The following SAMHD1 variants were observed in gnomAD, a reference collection of about 807,000 sequenced individuals.
SAMHD1 encodes the protein deoxynucleoside triphosphate triphosphohydrolase SAMHD1.
A neutral mutation model predicts 79.6 loss-of-function variants in SAMHD1; 54 were observed. The ratio of observed to expected loss-of-function variants is 0.68; its 90% CI spans 0.55 to 0.85. The LOEUF (loss-of-function observed/expected upper bound fraction) is 0.85, where lower values mean the gene tolerates loss of function less well. Among genes scored for constraint, SAMHD1 ranks in the 40% least tolerant of loss-of-function variants. The pLI, the probability that SAMHD1 is intolerant of heterozygous loss-of-function variation, is 0.00. For synonymous variants in SAMHD1, 260 were observed against 264.1 expected (o/e 0.98, Z 0.15); for missense variants, 663 against 782.7 (o/e 0.85, Z 1.82).
At chr20:36,902,172 T>A (rs1374519896) in intron 13 of SAMHD1, among the ~76,000 whole-genome samples, 2 of 152,022 alleles carry the variant, frequency 1.3e-5, no homozygotes, top group African/African-American at 4.8e-5. Flanking sequence ...GAAATGATGA[T>A]GATGATTATT....
chr20:36,951,258 C>A (rs555976046), intron 1 of SAMHD1, among the ~76,000 whole-genome samples, 178 bp downstream of exon 1: 1 of 152,222 alleles, frequency 6.6e-6, no homozygotes, highest in Non-Finnish European at 1.5e-5. Context: ...GGGCTCCCTC[C>A]CCCGCCTCGG....
intron 5 of SAMHD1, among the ~76,000 whole-genome samples, chr20:36,928,260 G>T (rs1221866866): frequency 1.3e-5 from 2 of 152,020 alleles, no homozygotes; most frequent in Non-Finnish European, 1.5e-5. Context: ...TTGGTGGCGG[G>T]CACCTGTAGT....
chr20:36,917,707 C>T lies in SAMHD1; in HGVS notation c.853-658G>A, dbSNP rs552802830. 4.6e-5 allele frequency among the ~76,000 whole-genome samples: 7 copies of T among 152,200 alleles called. No individual in the cohort carries two copies. In the East Asian group the frequency reaches 1.4e-3, roughly 29 times the overall value. ...ATAATAAACTAACAATGCTTGAATT[C>T]ATGCATTAAAACAGTACTATCTTTC... On this transcript the variant is annotated intron_variant, in intron 7 of 15. Transcript: ENST00000646673.
intron 6 of SAMHD1, among the ~76,000 whole-genome samples, 165 bp from the exon 7 acceptor site, chr20:36,919,684 A>T (rs1043913939): frequency 1.3e-5 from 2 of 152,212 alleles, no homozygotes; most frequent in Non-Finnish European, 2.9e-5. Flanking sequence ...AAAACCTGTC[A>T]GATTTTTCAT....
intron 11 of SAMHD1, among the ~76,000 whole-genome samples, chr20:36,906,346 G>A (rs2063405202): frequency 6.6e-6 from 1 of 152,260 alleles, no homozygotes; most frequent in African/African-American, 2.4e-5. Context: ...GTTGAGGCAG[G>A]AGAATCGCTT....
chr20:36,947,310 G>GGGGTGTGTGTGT (rs368105196), intron 1 of SAMHD1, among the ~76,000 whole-genome samples: 1 of 85,132 alleles, frequency 1.2e-5, no homozygotes, highest in East Asian at 3.9e-4. Flanking sequence ...ATTTGGAAGA[G>GGGGTGTGTGTGT]GTGTGTGTGT....
chr20:36,949,012 C>A (rs2063714457), intron 1 of SAMHD1, among the ~76,000 whole-genome samples: 1 of 152,034 alleles, frequency 6.6e-6, no homozygotes, highest in South Asian at 2.1e-4. Flanking sequence ...CGCCTGTAAT[C>A]CCAGCACTTT....
intron 13 of SAMHD1, among the ~76,000 whole-genome samples, chr20:36,903,351 T>A (rs1303440986): frequency 6.6e-6 from 1 of 151,694 alleles, no homozygotes; most frequent in Non-Finnish European, 1.5e-5. Context: ...GCGATTCTCC[T>A]GCCACAGCCT....
chr20:36,934,895 T>C (rs1179456178), intron 4 of SAMHD1, 134 bp downstream of exon 4: 2 of 866,698 alleles, frequency 2.3e-6, no homozygotes, highest in African/African-American at 3.3e-5. Context: ...TGACCTCATG[T>C]GATCCACCCA....
chr20:36,898,096 A>T (rs966306809), intron 14 of SAMHD1, 137 bp from the exon 15 acceptor site: 1 of 1,071,134 alleles, frequency 9.3e-7, no homozygotes, highest in Non-Finnish European at 1.4e-6. Flanking sequence ...CAGTGGCACA[A>T]TCACAGCTCA....
At chr20:36,916,573 G>A (rs2063477173) in intron 9 of SAMHD1, 149 bp downstream of exon 9, 1 of 719,470 alleles carries the variant, frequency 1.4e-6, no homozygotes, top group African/African-American at 1.8e-5. Flanking sequence ...TAATGCAGTA[G>A]AAGGGAAGAG....
At chr20:36,904,312 A>C (rs1446292820) in intron 12 of SAMHD1, 63 bp from the exon 13 acceptor site, 2 of 1,144,764 alleles carry the variant, frequency 1.7e-6, no homozygotes, top group Non-Finnish European at 2.7e-6. Flanking sequence ...AGCCACAAAC[A>C]GGTTCTCTTT....
chr20:36,946,711 A>T (rs762608615), intron 2 of SAMHD1, 27 bp downstream of exon 2: 11 of 1,568,862 alleles, frequency 7.0e-6, no homozygotes, highest in Non-Finnish European at 9.6e-6. Context: ...GTTTGGTTAT[A>T]ACGTGAATTT....
At chr20:36,901,822 T>G (rs1956356668) in intron 13 of SAMHD1, among the ~76,000 whole-genome samples, 1 of 152,206 alleles carries the variant, frequency 6.6e-6, no homozygotes, top group Non-Finnish European at 1.5e-5. Flanking sequence ...GCTCAACAGC[T>G]GCATGCAGCT....
At chr20:36,936,485 T>C (rs986238285) in intron 3 of SAMHD1, among the ~76,000 whole-genome samples, 4 of 151,942 alleles carry the variant, frequency 2.6e-5, no homozygotes, top group Non-Finnish European at 5.9e-5. Context: ...CATTCCTAGC[T>C]AATTTATTTT....
chr20:36,896,992 A>G (rs1433191060), intron 15 of SAMHD1, among the ~76,000 whole-genome samples: 1 of 152,110 alleles, frequency 6.6e-6, no homozygotes, highest in African/African-American at 2.4e-5. Flanking sequence ...CTACTCATCC[A>G]AACACAACCC....
At chr20:36,915,991 C>G (rs1034518750) in intron 9 of SAMHD1, among the ~76,000 whole-genome samples, 14 of 151,976 alleles carry the variant, frequency 9.2e-5, no homozygotes, top group Middle Eastern at 3.2e-3. Flanking sequence ...AACCCTGTCT[C>G]TACTAAAAAT....
At position 36,946,809 on chromosome 20, in the gene SAMHD1, G is replaced by A; in HGVS notation, c.209-5C>T. 1 of 1,608,270 alleles carries A rather than the reference G, an allele frequency of 6.2e-7. No individual in the cohort carries two copies. The highest frequency in any genetic ancestry group is 8.5e-7 in the Non-Finnish European group (1 of 1,176,020). On this transcript the variant is annotated splice_region_variant and splice_polypyrimidine_tract_variant and intron_variant, in intron 1 of 15. Transcript: ENST00000646673. ...ATGCGCCTGTGATTTCATTTTCTAT[G>A]GAAGAAAAAAGACAAATTCAATGTA...
intron 3 of SAMHD1, 30 bp downstream of exon 3, chr20:36,941,008 CA>C: frequency 1.3e-6 from 2 of 1,543,096 alleles, no homozygotes; most frequent in Non-Finnish European, 1.8e-6. Context: ...ACTTTATATT[CA>C]AAAAACATAA....
Sources: allele counts gnomAD v4.1 joint callset (sites outside exome capture counted in the v4.1 genomes callset), GRCh38; gene constraint gnomAD v4.1.1; transcripts MANE v1.5; gene names NCBI Gene and HGNC (gene_info 2026-07-23, HGNC 2026-07-21).